SKAP1: variants seen among roughly 807,000 people sequenced by gnomAD.
SKAP1 encodes src kinase-associated phosphoprotein 1.
A neutral mutation model predicts 58.5 loss-of-function variants in SKAP1; 44 were observed. The observed-to-expected ratio is 0.75, with a 90% CI of 0.59 to 0.97. The LOEUF (loss-of-function observed/expected upper bound fraction) is 0.97. Among genes scored for constraint, SKAP1 ranks in the 50% least tolerant of loss-of-function variants. The probability of loss-of-function intolerance (pLI) is 0.00; values close to 1 mark genes in which losing one functional copy is unlikely to be tolerated. For missense variants in SKAP1, 390 were observed against 435.2 expected (o/e 0.90, Z 0.92); for synonymous variants, 127 against 149.7 (o/e 0.85, Z 1.11).
At chr17:48,160,317 T>C (rs887936079) in intron 11 of SKAP1, among the ~76,000 whole-genome samples, 108 of 152,002 alleles carry the variant, frequency 7.1e-4, no homozygotes, top group Non-Finnish European at 1.3e-3. Flanking sequence ...ATTTTTTATT[T>C]TGTAGAGATG....
chr17:48,158,566 T>C (rs368533092), intron 11 of SKAP1, among the ~76,000 whole-genome samples: 2 of 3,188 alleles, frequency 6.3e-4, no homozygotes, highest in Admixed American at 3.5e-3. Context: ...AGACTCTGTC[T>C]CAAAAAAAAA....
At chr17:48,211,148 A>T (rs1158153255) in intron 4 of SKAP1, among the ~76,000 whole-genome samples, 1 of 152,130 alleles carries the variant, frequency 6.6e-6, no homozygotes, top group Non-Finnish European at 1.5e-5. Flanking sequence ...TTAAGAAGTT[A>T]TGAATTATCT....
chr17:48,134,838 G>A (rs904320016), intron 12 of SKAP1, among the ~76,000 whole-genome samples: 1 of 151,728 alleles, frequency 6.6e-6, no homozygotes, highest in Non-Finnish European at 1.5e-5. Flanking sequence ...CAAGTAGCTG[G>A]GATTACAGGT....
chr17:48,323,571 T>C (rs2066395428), intron 4 of SKAP1, among the ~76,000 whole-genome samples: 1 of 152,134 alleles, frequency 6.6e-6, no homozygotes, highest in South Asian at 2.1e-4. Context: ...TTCAAATTTA[T>C]TTAACAAGTA....
intron 2 of SKAP1, among the ~76,000 whole-genome samples, chr17:48,376,613 A>C (rs997893697): frequency 2.6e-5 from 4 of 152,206 alleles, no homozygotes; most frequent in African/African-American, 9.6e-5. Flanking sequence ...GGCAAGGTGG[A>C]TATCTCAGCA....
intron 4 of SKAP1, among the ~76,000 whole-genome samples, chr17:48,256,643 T>A (rs9911712): frequency 0.091 from 13,886 of 151,946 alleles, 966 homozygotes; most frequent in African/African-American, 0.17. Context: ...ATTTGATTCA[T>A]GAAGGAGCAG....
At chr17:48,187,089 T>G (rs993027521) in intron 6 of SKAP1, among the ~76,000 whole-genome samples, 1 of 152,210 alleles carries the variant, frequency 6.6e-6, no homozygotes, top group Middle Eastern at 3.2e-3. Flanking sequence ...TATTCGAAAG[T>G]TTGCATTCAT....
At chr17:48,430,775 T>C (rs2067908933), upstream of SKAP1, among the ~76,000 whole-genome samples, 1 of 152,112 alleles carries the variant, frequency 6.6e-6, no homozygotes, top group African/African-American at 2.4e-5. Context: ...AACCAAACTG[T>C]GCTGTTCTCC....
At chr17:48,298,734 G>T (rs1007982701) in intron 4 of SKAP1, among the ~76,000 whole-genome samples, 1 of 152,068 alleles carries the variant, frequency 6.6e-6, no homozygotes, top group Non-Finnish European at 1.5e-5. Flanking sequence ...AATCACTATG[G>T]GATGAGATAT....
At chr17:48,331,513 A>C (rs546330471) in intron 4 of SKAP1, among the ~76,000 whole-genome samples, 1 of 152,060 alleles carries the variant, frequency 6.6e-6, no homozygotes, top group South Asian at 2.1e-4. Context: ...CAGCCTGACC[A>C]ACATGGAGAT....
intron 4 of SKAP1, among the ~76,000 whole-genome samples, chr17:48,210,619 ACT>A (rs1346208359): frequency 2.6e-5 from 4 of 152,204 alleles, no homozygotes; most frequent in South Asian, 2.1e-4. Context: ...GACAACTTGT[ACT>A]CACAGCAATT....
intron 4 of SKAP1, among the ~76,000 whole-genome samples, chr17:48,338,637 A>C (rs181125737): frequency 1.3e-5 from 2 of 152,288 alleles, no homozygotes; most frequent in African/African-American, 4.8e-5. Flanking sequence ...AGCTATCAAC[A>C]CATGTGAGAG....
chr17:48,280,737 T>C (rs2065756604), intron 4 of SKAP1, among the ~76,000 whole-genome samples: 1 of 152,236 alleles, frequency 6.6e-6, no homozygotes. Context: ...CTTTGACTTT[T>C]TAGGGATGTC....
rs2065447220 is a variant in SKAP1, at chr17:48,258,132, AAATTGT to A, written c.281-68638_281-68633del. Among the ~76,000 whole-genome samples the A allele has an allele frequency of 2.0e-5, 3 of 152,126 alleles. No homozygotes were observed. In the South Asian group the frequency reaches 6.2e-4, roughly 32 times the overall value. ...AGTTAAAGTGATGCTCTTAGGTAGC[AAATTGT>A]CAGTATTCCCAAAAGGACAGTCCTC... On this transcript the variant is annotated intron_variant, in intron 4 of 12. Transcript: ENST00000336915.
chr17:48,376,065 G>A (rs2067146730), intron 2 of SKAP1, among the ~76,000 whole-genome samples: 1 of 152,152 alleles, frequency 6.6e-6, no homozygotes, highest in African/African-American at 2.4e-5. Flanking sequence ...GCTGATTACT[G>A]TATTCTAAAC....
intron 12 of SKAP1, among the ~76,000 whole-genome samples, chr17:48,134,139 T>C (rs1490607370): frequency 6.6e-6 from 1 of 152,224 alleles, no homozygotes; most frequent in Non-Finnish European, 1.5e-5. Flanking sequence ...TTGCATAATA[T>C]TCACTTCTAT....
intron 3 of SKAP1, among the ~76,000 whole-genome samples, chr17:48,347,759 T>C (rs939739925): frequency 2.6e-5 from 4 of 152,156 alleles, no homozygotes; most frequent in African/African-American, 9.7e-5. Flanking sequence ...TCTCAAATAC[T>C]GGACTGAGGA....
At chr17:48,192,287 G>GC (rs1431567699) in intron 4 of SKAP1, among the ~76,000 whole-genome samples, 2 of 149,496 alleles carry the variant, frequency 1.3e-5, no homozygotes, top group East Asian at 3.9e-4. Context: ...CTTTCCACAG[G>GC]TTTTTTTTTT....
chr17:48,204,973 T>TTTTCTTTTC (rs71356522), intron 4 of SKAP1, among the ~76,000 whole-genome samples: 2,702 of 77,230 alleles, frequency 0.035, 47 homozygotes, highest in South Asian at 0.072. Flanking sequence ...TTTTCTTTTC[T>TTTTCTTTTC]TTTCTTTCTT....
Sources: allele counts gnomAD v4.1 joint callset (sites outside exome capture counted in the v4.1 genomes callset), GRCh38; gene constraint gnomAD v4.1.1; transcripts MANE v1.5; gene names NCBI Gene and HGNC (gene_info 2026-07-23, HGNC 2026-07-21).